The following ADNP variants were observed in gnomAD, a reference collection of about 807,000 sequenced individuals.
ADNP encodes activity dependent neuroprotector homeobox.
In ADNP, 4 loss-of-function variants were observed where a neutral mutation model predicts 84.9. The observed-to-expected ratio is 0.05, with a 90% CI of 0.02 to 0.11. The LOEUF (loss-of-function observed/expected upper bound fraction) is 0.11, where lower values mean the gene tolerates loss of function less well. Among genes scored for constraint, ADNP ranks in the 10% least tolerant of loss-of-function variants. ADNP has a pLI of 1.00. For synonymous variants in ADNP, 554 were observed against 468.1 expected, an observed-to-expected ratio of 1.18 and a Z score of -2.37; for missense variants, 1,132 against 1,326.0, an observed-to-expected ratio of 0.85 and a Z score of 2.27.
chr20:50,927,656 A>G (rs1477397219), intron 2 of ADNP, among the ~76,000 whole-genome samples: 2 of 151,712 alleles, frequency 1.3e-5, no homozygotes, highest in Non-Finnish European at 2.9e-5. Flanking sequence ...TCAGCCTCCC[A>G]AAGTTTTGGG....
chr20:50,906,105 G>A (rs984651232), intron 2 of ADNP, among the ~76,000 whole-genome samples: 4 of 152,100 alleles, frequency 2.6e-5, no homozygotes, highest in African/African-American at 9.7e-5. Flanking sequence ...CCAGCTACTC[G>A]GGAGGCTGAG....
intron 2 of ADNP, among the ~76,000 whole-genome samples, chr20:50,912,542 T>C (rs1211616372): frequency 1.3e-5 from 2 of 152,064 alleles, no homozygotes; most frequent in African/African-American, 2.4e-5. Context: ...GTGCTCAGGT[T>C]GAAAGAAAAA....
chr20:50,894,048 G>A lies in ADNP; in HGVS notation c.666C>T (p.His222=), dbSNP rs539414821. The change falls in exon 6 of 6, where the codon CAC becomes CAT. Residue 222 remains histidine (H), a synonymous_variant. Coordinates refer to ENST00000621696, the MANE Select transcript of ADNP (RefSeq NM_001282531.3). Reference sequence around the variant, plus strand: ...TTGGCATGAAAAGGCATCGCTTGCAGTGAATACTACTCTCTTCTCGGGCAT... The same window carrying A: ...TTGGCATGAAAAGGCATCGCTTGCAATGAATACTACTCTCTTCTCGGGCAT... The part of the protein sequence containing the change: ...GSNAREESSI[H]CKRCLFMPKS... 2.9e-4 allele frequency: 466 copies of A among 1,614,100 alleles called. No homozygotes were observed. The highest frequency in any genetic ancestry group is 3.8e-4 in the Non-Finnish European group (454 of 1,180,048).
chr20:50,893,171 G>A lies in ADNP; in HGVS notation c.1543C>T (p.Pro515Ser). The A allele has an allele frequency of 6.2e-7, 1 of 1,614,246 alleles. No individual in the cohort carries two copies. Among genetic ancestry groups the A allele is most frequent in the Non-Finnish European group, 8.5e-7 (1 of 1,180,048 alleles). Residue 515 changes from proline (P) to serine (S), a missense_variant, in exon 6 of 6, where the codon CCA (proline) becomes TCA (serine). Transcript: ENST00000621696. This position sits in a 1 kb window ranked among gnomAD's most constrained non-coding sequence, Gnocchi z 4.4. ...TCATTGAAAGTTGAACGGCAATATG[G>A]ACAAGACAGACCATGAATTAACATA... Reference protein sequence around the residue: ...NHMLIHGLSCPYCRSTFNDVE... With the variant: ...NHMLIHGLSCSYCRSTFNDVE...
chr20:50,906,809 T>C (rs1477600234), intron 2 of ADNP, among the ~76,000 whole-genome samples: 1 of 152,066 alleles, frequency 6.6e-6, no homozygotes, highest in African/African-American at 2.4e-5. Context: ...GCCACAGAGT[T>C]GGTGTTGGGT....
intron 2 of ADNP, among the ~76,000 whole-genome samples, chr20:50,907,112 C>T (rs552001863): frequency 2.6e-4 from 40 of 151,786 alleles, no homozygotes; most frequent in East Asian, 9.7e-4. Context: ...GGACTACAGG[C>T]GCCACCACCA....
In ADNP at chr20:50,891,860, C is replaced by G; in HGVS notation, c.2854G>C (p.Ala952Pro). The G allele has an allele frequency of 6.2e-7, 1 of 1,614,232 alleles. No individual in the cohort carries two copies. Among genetic ancestry groups the G allele is most frequent in the Non-Finnish European group, 8.5e-7 (1 of 1,180,046 alleles). Residue 952 changes from alanine to proline, a missense_variant, in exon 6 of 6, where the codon GCA becomes CCA. Around this residue, in one of 10 missense-constraint regions of ADNP, gnomAD observed 381 missense variants for 319.9 expected, o/e 1.19. Transcript: ENST00000621696. ...TEEPTKLMHN[A>P]SDSEVDQDDV... ...TCTTGGTCAACCTCACTATCAGATG[C>G]ATTGTGCATTAGTTTGGTTGGTTCC... is the stretch of plus-strand genomic sequence containing the variant.
intron 4 of ADNP, among the ~76,000 whole-genome samples, chr20:50,903,022 G>A (rs1281909888): frequency 1.3e-5 from 2 of 152,208 alleles, no homozygotes; most frequent in Admixed American, 6.5e-5. Flanking sequence ...AAAACCTGTT[G>A]TATGAATGAA....
At chr20:50,902,564 A>G (rs1009807221) in intron 4 of ADNP, among the ~76,000 whole-genome samples, 1 of 152,194 alleles carries the variant, frequency 6.6e-6, no homozygotes, top group Non-Finnish European at 1.5e-5. Context: ...AAGAAAACTC[A>G]AATTTCAAAC....
Position 50,892,001 on chromosome 20 carries a change from T to C in ADNP, c.2713A>G (p.Asn905Asp). The change falls in exon 6 of 6, where the codon AAC (asparagine) becomes GAC (aspartate). Residue 905 changes from asparagine to aspartate, a missense_variant. Coordinates refer to ENST00000621696, the MANE Select transcript of ADNP (RefSeq NM_001282531.3). Reference sequence around the variant, plus strand: ...AGTACATGTTCCTCTGGGTTATCGTTAGAGATTTTAGGTTCAACTTCAAAA... The same window carrying C: ...AGTACATGTTCCTCTGGGTTATCGTCAGAGATTTTAGGTTCAACTTCAAAA... Reference protein sequence around the residue: ...PVFEVEPKISNDNPEEHVLKV... With the variant: ...PVFEVEPKISDDNPEEHVLKV... 3 of 1,614,190 alleles carry C rather than the reference T, an allele frequency of 1.9e-6. No individual in the cohort carries two copies. The highest frequency in any genetic ancestry group is 2.2e-5 in the East Asian group (1 of 44,894).
intron 2 of ADNP, among the ~76,000 whole-genome samples, chr20:50,919,120 T>C (rs1370933998): frequency 2.0e-5 from 3 of 151,934 alleles, no homozygotes; most frequent in East Asian, 1.9e-4. Flanking sequence ...GCACGTTCAT[T>C]TTCCTGACCT....
At chr20:50,929,320 T>A (rs1984495834) in intron 1 of ADNP, among the ~76,000 whole-genome samples, 1 of 152,200 alleles carries the variant, frequency 6.6e-6, no homozygotes. Context: ...AAATATGGAC[T>A]GGGGGCCAAC....
intron 5 of ADNP, among the ~76,000 whole-genome samples, chr20:50,896,592 T>C (rs1420475434): frequency 6.6e-6 from 1 of 152,208 alleles, no homozygotes; most frequent in African/African-American, 2.4e-5. Flanking sequence ...AAACATTTTT[T>C]TTCTTAAAAG....
At chr20:50,920,927 G>A (rs1481796664) in intron 2 of ADNP, among the ~76,000 whole-genome samples, 4 of 152,162 alleles carry the variant, frequency 2.6e-5, no homozygotes, top group Admixed American at 6.5e-5. Context: ...AGAAAATAAA[G>A]ATGCAGTGGT....
intron 2 of ADNP, among the ~76,000 whole-genome samples, chr20:50,926,196 T>C (rs1320373877): frequency 6.6e-6 from 1 of 152,208 alleles, no homozygotes; most frequent in East Asian, 1.9e-4. Flanking sequence ...CAACTATAAT[T>C]AAATTATTTA....
chr20:50,903,563 G>C (rs949548151), intron 4 of ADNP, among the ~76,000 whole-genome samples: 5 of 152,172 alleles, frequency 3.3e-5, no homozygotes, highest in Non-Finnish European at 5.9e-5. Flanking sequence ...TTCTTCATCT[G>C]TGAAGTGGAG....
chr20:50,907,288 G>C (rs1299197470), intron 2 of ADNP, among the ~76,000 whole-genome samples: 1 of 145,192 alleles, frequency 6.9e-6, no homozygotes, highest in African/African-American at 2.6e-5. Context: ...TTTTTGAGAC[G>C]GAGTTTTGCT....
chr20:50,905,422 A>G (rs1982374855), intron 2 of ADNP: 1 of 152,238 alleles, frequency 6.6e-6, no homozygotes, highest in Admixed American at 6.5e-5. Context: ...TATCATCTGT[A>G]AATGGCAAGT....
At position 50,892,879 on chromosome 20, in the gene ADNP, G is replaced by A. The variant is rs780373120; in HGVS notation, c.1835C>T (p.Ala612Val). ...DIPVKSSPQA[A>V]VPYKKDVGKT... ...CCCAACATCTTTTTTATAGGGCACT[G>A]CAGCTTGAGGTGAACTTTTTACAGG... is the stretch of plus-strand genomic sequence containing the variant. The change falls in exon 6 of 6, where the codon GCA becomes GTA. Residue 612 changes from alanine (A) to valine (V), a missense_variant. Physicochemically the swap from Ala to Val is moderately conservative, Grantham distance 64. Coordinates refer to ENST00000621696, the MANE Select transcript of ADNP (RefSeq NM_001282531.3). 2.5e-6 allele frequency: 4 copies of A among 1,614,244 alleles called. No homozygotes were observed. The South Asian group carries it at 3.3e-5, about 13-fold the overall frequency.
Sources: gnomAD v4.1 joint callset for allele counts (sites outside exome capture counted in the v4.1 genomes callset) on GRCh38, gnomAD v4.1.1 for gene constraint, gnomAD v4.1.1 regional missense constraint, Gnocchi (gnomAD v3.1) non-coding constraint, MANE v1.5 for transcripts, NCBI Gene and HGNC (gene_info 2026-07-23, HGNC 2026-07-21) for gene names.